Variants in PACRG observed in about 807,000 individuals in gnomAD.
The protein encoded by PACRG is parkin coregulated gene protein.
PACRG carries 29 observed loss-of-function variants against 29.7 expected under a neutral mutation model. That is an observed-to-expected ratio of 0.98 (90% CI 0.73 to 1.33). The LOEUF (loss-of-function observed/expected upper bound fraction) is 1.33, where lower values mean the gene tolerates loss of function less well. Among genes scored for constraint, PACRG ranks in the 40% most tolerant of loss-of-function variants. The probability of loss-of-function intolerance (pLI) is 0.00; values close to 1 mark genes in which losing one functional copy is unlikely to be tolerated. For synonymous variants in PACRG, 116 were observed against 118.7 expected (o/e 0.98, Z 0.15); for missense variants, 279 against 316.2 (o/e 0.88, Z 0.89).
chr6:162,978,610 A>G (rs1802154547), intron 2 of PACRG, among the ~76,000 whole-genome samples: 1 of 152,172 alleles, frequency 6.6e-6, no homozygotes. Context: ...TTTTCTTCAT[A>G]TAACTCTGTA....
chr6:162,981,005 T>C (rs1408107641), intron 2 of PACRG, among the ~76,000 whole-genome samples: 1 of 152,032 alleles, frequency 6.6e-6, no homozygotes, highest in African/African-American at 2.4e-5. Flanking sequence ...GTGTCTACTG[T>C]ACCCAATGTG....
intron 4 of PACRG, among the ~76,000 whole-genome samples, chr6:163,198,252 C>T (rs1780556856): frequency 6.6e-6 from 1 of 152,206 alleles, no homozygotes; most frequent in Admixed American, 6.5e-5. Context: ...GAGAATTTTA[C>T]TTCTCTTTTC....
chr6:162,778,076 G>A (rs566129217), intron 1 of PACRG, among the ~76,000 whole-genome samples: 1 of 152,196 alleles, frequency 6.6e-6, no homozygotes, highest in Non-Finnish European at 1.5e-5. Flanking sequence ...AACTGCAGGT[G>A]AATAGTGTCA....
intron 2 of PACRG, among the ~76,000 whole-genome samples, chr6:162,988,040 C>T (rs1050068669): frequency 2.6e-5 from 4 of 152,204 alleles, no homozygotes; most frequent in Non-Finnish European, 5.9e-5. Flanking sequence ...GCACCCGTCT[C>T]ATGGAATTTG....
At chr6:162,855,199 G>A (rs114071014) in intron 2 of PACRG, among the ~76,000 whole-genome samples, 26 of 152,324 alleles carry the variant, frequency 1.7e-4, no homozygotes, top group African/African-American at 6.3e-4. Context: ...ACACCTGGTA[G>A]AGCTGTTGTA....
rs551957446 is a variant in PACRG at position 163,057,753 on chromosome 6, T to C, written c.292-4397T>C. ...CATTAGACTATGCTTGTAATACCTA[T>C]ACAAATTCCTCTCTTCTTGAATTCC... On this transcript the variant is annotated intron_variant, in intron 2 of 4. Coordinates refer to ENST00000366888, the MANE Select transcript of PACRG (RefSeq NM_001080379.2). Among the ~76,000 whole-genome samples the C allele has an allele frequency of 4.0e-4, 61 of 152,358 alleles. 1 individual carries two copies. In the Middle Eastern group the frequency reaches 0.02, roughly 51 times the overall value.
At chr6:162,787,354 T>C (rs563572439) in intron 1 of PACRG, among the ~76,000 whole-genome samples, 193 of 151,908 alleles carry the variant, frequency 1.3e-3, no homozygotes, top group Non-Finnish European at 2.0e-3. Flanking sequence ...CTGAGCTCTT[T>C]TTTAAGGTTC....
chr6:163,268,403 GAA>G (rs935718345), intron 4 of PACRG, among the ~76,000 whole-genome samples: 1 of 85,812 alleles, frequency 1.2e-5, no homozygotes, highest in Admixed American at 1.4e-4. Context: ...CTGTCTCAAA[GAA>G]AAAAAAAAAG....
intron 4 of PACRG, among the ~76,000 whole-genome samples, chr6:163,136,307 A>G (rs1816935423): frequency 6.6e-6 from 1 of 152,150 alleles, no homozygotes; most frequent in African/African-American, 2.4e-5. Context: ...TACCCACTGC[A>G]GGTATACAGT....
At chr6:163,204,419 T>G (rs1216917593) in intron 4 of PACRG, among the ~76,000 whole-genome samples, 3 of 152,234 alleles carry the variant, frequency 2.0e-5, no homozygotes, top group Non-Finnish European at 2.9e-5. Context: ...TTTAATATTT[T>G]TCTGTGTGTT....
At chr6:163,025,877 C>T (rs1807082190) in intron 2 of PACRG, among the ~76,000 whole-genome samples, 1 of 152,164 alleles carries the variant, frequency 6.6e-6, no homozygotes, top group African/African-American at 2.4e-5. Context: ...GATGAGTGTC[C>T]AGTTTAGGCA....
intron 4 of PACRG, chr6:163,191,480 T>C: frequency 2.8e-6 from 1 of 358,388 alleles, no homozygotes; most frequent in South Asian, 2.1e-5. Context: ...TTGGGGGAGG[T>C]CACAGCCTCT....
Position 162,805,452 on chromosome 6 carries a change from G to A in PACRG, c.157-8695G>A, listed in dbSNP as rs182733765. On this transcript the variant is annotated intron_variant, in intron 1 of 4. Coordinates refer to ENST00000366888, the MANE Select transcript of PACRG (RefSeq NM_001080379.2). ...TGGAGGGTCTTGCTTTGAGGCTGATGGCTGCTGACTGATCAGTGTGGTGGT... is the reference window on the plus strand; with the variant it reads ...TGGAGGGTCTTGCTTTGAGGCTGATAGCTGCTGACTGATCAGTGTGGTGGT... 4.9e-4 allele frequency among the ~76,000 whole-genome samples: 75 copies of A among 152,284 alleles called. No homozygotes were observed. The East Asian group carries it at 0.011, about 22-fold the overall frequency.
chr6:162,799,439 T>G (rs1175657539), intron 1 of PACRG, among the ~76,000 whole-genome samples: 2 of 152,168 alleles, frequency 1.3e-5, no homozygotes, highest in East Asian at 1.9e-4. Context: ...TGTTTCTTAT[T>G]AAATTATCTT....
intron 2 of PACRG, among the ~76,000 whole-genome samples, chr6:162,823,706 G>T (rs1002319991): frequency 2.0e-5 from 3 of 151,942 alleles, no homozygotes; most frequent in Non-Finnish European, 4.4e-5. Context: ...GTAGAGATGG[G>T]ATTTCACCGT....
chr6:163,087,729 G>C (rs1489623643), intron 3 of PACRG, among the ~76,000 whole-genome samples: 1 of 143,476 alleles, frequency 7.0e-6, no homozygotes, highest in Non-Finnish European at 1.5e-5. Context: ...GGAGCAGAGA[G>C]GGTGAGGATA....
chr6:162,826,996 T>C (rs1241703457), intron 2 of PACRG, among the ~76,000 whole-genome samples: 3 of 152,222 alleles, frequency 2.0e-5, no homozygotes, highest in Non-Finnish European at 4.4e-5. Flanking sequence ...GGAGGTAATT[T>C]AGTGTTTAGA....
At chr6:163,048,006 G>A (rs527373992) in intron 2 of PACRG, among the ~76,000 whole-genome samples, 146 of 152,084 alleles carry the variant, frequency 9.6e-4, no homozygotes, top group African/African-American at 3.3e-3. Context: ...GTTTTTAATC[G>A]TGTATGGAAA....
intron 3 of PACRG, 79 bp downstream of exon 3, chr6:163,062,400 A>G (rs1168211217): frequency 1.3e-5 from 19 of 1,433,742 alleles, no homozygotes; most frequent in South Asian, 1.4e-5. Flanking sequence ...GCAATAAACC[A>G]TGACAGACTG....
Sources: allele counts gnomAD v4.1 joint callset (sites outside exome capture counted in the v4.1 genomes callset), GRCh38; gene constraint gnomAD v4.1.1; transcripts MANE v1.5; gene names NCBI Gene and HGNC (gene_info 2026-07-23, HGNC 2026-07-21).